The following PARVA variants were observed in gnomAD, a reference collection of about 807,000 sequenced individuals.
PARVA encodes parvin alpha.
Under a neutral mutation model 52.6 loss-of-function variants are expected in PARVA, and 25 were observed. That is an observed-to-expected ratio of 0.48 (90% CI 0.35 to 0.66). The LOEUF (loss-of-function observed/expected upper bound fraction) is 0.66, where lower values mean the gene tolerates loss of function less well. Ranked by LOEUF, PARVA falls within the 30% of genes least tolerant of loss-of-function variation. The pLI is 0.01. For missense variants in PARVA, 373 were observed against 450.9 expected (o/e 0.83, Z 1.56); for synonymous variants, 185 against 179.1 (o/e 1.03, Z -0.26).
At chr11:12,451,097 G>A (rs1053984936) in intron 1 of PARVA, among the ~76,000 whole-genome samples, 1 of 152,196 alleles carries the variant, frequency 6.6e-6, no homozygotes, top group Non-Finnish European at 1.5e-5. Context: ...CCTAGCTGTG[G>A]CTTGGTCAGT....
chr11:12,382,318 T>C (rs561535895), intron 1 of PARVA, among the ~76,000 whole-genome samples: 2 of 152,174 alleles, frequency 1.3e-5, no homozygotes, highest in Non-Finnish European at 2.9e-5. Context: ...TTTATGGTAG[T>C]AAATGAGAAG....
intron 1 of PARVA, among the ~76,000 whole-genome samples, chr11:12,437,279 C>T (rs915392236): frequency 6.6e-6 from 1 of 152,188 alleles, no homozygotes; most frequent in African/African-American, 2.4e-5. Context: ...GAAGGATATC[C>T]TCTCCCTGCC....
At chr11:12,377,418 G>A (rs1939407402), upstream of PARVA, 1 of 1,370,734 alleles carries the variant, frequency 7.3e-7, no homozygotes, top group Non-Finnish European at 9.3e-7. Context: ...CAACCCAGGG[G>A]CGCAAGGCGC....
chr11:12,473,977 G>C lies in PARVA; in HGVS notation c.291G>C (p.Leu97=). The change falls in exon 3 of 13, where the codon CTG becomes CTC. Residue 97 remains leucine (L), a synonymous_variant. Coordinates refer to ENST00000334956, the MANE Select transcript of PARVA (RefSeq NM_018222.5). The part of the protein sequence containing the change: ...NSRSDPKLQE[L]MKVLIDWIND... ...GCAGTGACCCCAAGCTTCAAGAACT[G>C]ATGAAGGTAAGAAGAAATCAGGAGC... 1 of 1,574,514 alleles carries C rather than the reference G, an allele frequency of 6.4e-7. No individual in the cohort carries two copies. The highest frequency in any genetic ancestry group is 1.2e-5 in the South Asian group (1 of 85,330).
At chr11:12,413,753 CTAT>C (rs1940025209) in intron 1 of PARVA, among the ~76,000 whole-genome samples, 1 of 152,200 alleles carries the variant, frequency 6.6e-6, no homozygotes, top group Admixed American at 6.5e-5. Context: ...TCTCTTGCCT[CTAT>C]TTCCCAAGGT....
chr11:12,473,788 C>A lies in PARVA; in HGVS notation c.180C>A (p.Pro60=). The change falls in exon 2 of 13, where the codon CCC becomes CCA. Residue 60 remains proline (P), a synonymous_variant. Coordinates refer to ENST00000334956, the MANE Select transcript of PARVA (RefSeq NM_018222.5). ...QEEGMNAINL[P]LSPIPFELDP... is the part of the protein sequence containing the mutation. ...AGGGAATGAACGCCATCAACCTGCC[C>A]CTCAGCCCAATTCCCTTTGAGCTGG... 6.4e-7 allele frequency: 1 copy of A among 1,571,424 alleles called. No homozygotes were observed. Among genetic ancestry groups the A allele is most frequent in the East Asian group, 2.4e-5 (1 of 42,322 alleles).
intron 1 of PARVA, among the ~76,000 whole-genome samples, chr11:12,460,321 G>T (rs1293270600): frequency 6.6e-6 from 1 of 152,120 alleles, no homozygotes; most frequent in Non-Finnish European, 1.5e-5. Flanking sequence ...GTGTGGCCTT[G>T]TTCAGATTAT....
intron 12 of PARVA, among the ~76,000 whole-genome samples, chr11:12,525,237 T>C (rs1941685647): frequency 6.6e-6 from 1 of 152,166 alleles, no homozygotes; most frequent in Non-Finnish European, 1.5e-5. Context: ...TGTATGGCCA[T>C]ACAAGCTGTG....
At chr11:12,389,598 C>G (rs1457028398) in intron 1 of PARVA, among the ~76,000 whole-genome samples, 1 of 152,188 alleles carries the variant, frequency 6.6e-6, no homozygotes, top group Non-Finnish European at 1.5e-5. Flanking sequence ...TGATTTCAAG[C>G]TGGGTCTTGA....
intron 1 of PARVA, among the ~76,000 whole-genome samples, chr11:12,419,961 T>C (rs1368471616): frequency 6.6e-6 from 1 of 152,156 alleles, no homozygotes; most frequent in African/African-American, 2.4e-5. Context: ...ATGTCTCCCA[T>C]CATTATGAGG....
chr11:12,473,654 T>C, intron 1 of PARVA, 91 bp from the exon 2 acceptor site: 2 of 957,134 alleles, frequency 2.1e-6, no homozygotes, highest in Non-Finnish European at 3.3e-6. Context: ...GGTTTTTTTC[T>C]CAATGTCAAT....
chr11:12,450,305 A>G (rs1262996170), intron 1 of PARVA, among the ~76,000 whole-genome samples: 1 of 152,258 alleles, frequency 6.6e-6, no homozygotes, highest in Non-Finnish European at 1.5e-5. Context: ...TGCAGAAACT[A>G]GGACACAGTA....
chr11:12,493,632 A>G (rs920626411), intron 4 of PARVA, among the ~76,000 whole-genome samples: 1 of 152,184 alleles, frequency 6.6e-6, no homozygotes, highest in Non-Finnish European at 1.5e-5. Flanking sequence ...AAGGAAAAAA[A>G]TTAATTTTAG....
chr11:12,441,293 C>T (rs1424791363), intron 1 of PARVA, among the ~76,000 whole-genome samples: 1 of 152,016 alleles, frequency 6.6e-6, no homozygotes, highest in African/African-American at 2.4e-5. Context: ...ATCTGCCATG[C>T]TTCAGATGCC....
At chr11:12,412,880 G>A (rs1373719740) in intron 1 of PARVA, among the ~76,000 whole-genome samples, 2 of 152,200 alleles carry the variant, frequency 1.3e-5, no homozygotes, top group African/African-American at 4.8e-5. Context: ...AAGTATCACT[G>A]AGAAGTTGGA....
chr11:12,507,970 AGATGGATGGATG>A lies in PARVA; in HGVS notation c.658-603_658-592del, dbSNP rs201757014. ...ATAAGTTGATGGGAGAAGTGTGGACAGATGGATGGATGGATGGATGGACGGACGGACGGACGA... is the reference window on the plus strand; with the variant it reads ...ATAAGTTGATGGGAGAAGTGTGGACAGATGGATGGACGGACGGACGGACGA... On this transcript the variant is annotated intron_variant, in intron 6 of 12. Coordinates refer to ENST00000334956, the MANE Select transcript of PARVA (RefSeq NM_018222.5). Among the ~76,000 whole-genome samples, 424 of 151,772 alleles carry A rather than the reference AGATGGATGGATG, an allele frequency of 2.8e-3. 2 individuals are homozygous for A. Among genetic ancestry groups the A allele is most frequent in the African/African-American group, 9.6e-3 (396 of 41,414 alleles).
At chr11:12,379,919 G>C (rs1268561258) in intron 1 of PARVA, among the ~76,000 whole-genome samples, 2 of 152,126 alleles carry the variant, frequency 1.3e-5, no homozygotes, top group African/African-American at 2.4e-5. Context: ...GTTTAAGATG[G>C]GGCAACTGAG....
chr11:12,464,000 A>G (rs1195555134), intron 1 of PARVA, among the ~76,000 whole-genome samples: 1 of 113,312 alleles, frequency 8.8e-6, no homozygotes, highest in Non-Finnish European at 1.7e-5. Flanking sequence ...TTTCCTGAGT[A>G]CTTCCTTCCT....
chr11:12,511,472 C>T (rs757423931), intron 7 of PARVA, 42 bp from the exon 8 acceptor site: 4 of 1,602,454 alleles, frequency 2.5e-6, no homozygotes, highest in Admixed American at 1.7e-5. Flanking sequence ...TTATAAGGGA[C>T]AAGAGAAGAG....
Sources: gnomAD v4.1 joint callset for allele counts (sites outside exome capture counted in the v4.1 genomes callset) on GRCh38, gnomAD v4.1.1 for gene constraint, MANE v1.5 for transcripts, NCBI Gene and HGNC (gene_info 2026-07-23, HGNC 2026-07-21) for gene names.